Variants in CDC42BPA observed in about 807,000 individuals in gnomAD.
CDC42BPA encodes serine/threonine-protein kinase MRCK alpha.
In CDC42BPA, 80 loss-of-function variants were observed where a neutral mutation model predicts 223.5. That is an observed-to-expected ratio of 0.36 (90% CI 0.30 to 0.43). CDC42BPA has a LOEUF of 0.43. CDC42BPA is among the 20% of genes least tolerant of loss of function. The pLI is 1.00. For missense variants in CDC42BPA, 1,743 were observed against 2,099.9 expected, an observed-to-expected ratio of 0.83 and a Z score of 3.32; for synonymous variants, 694 against 718.6, an observed-to-expected ratio of 0.97 and a Z score of 0.55.
At chr1:227,180,629 T>G (rs1667773239) in intron 5 of CDC42BPA, 1 of 152,150 alleles carries the variant, frequency 6.6e-6, no homozygotes, top group South Asian at 2.1e-4. Context: ...TTGGTAACAT[T>G]TTGGTGCCAG....
At position 227,072,295 on chromosome 1, in the gene CDC42BPA, G is replaced by A; in HGVS notation, c.2740C>T (p.Leu914=). The A allele has an allele frequency of 6.3e-7, 1 of 1,581,018 alleles. No homozygotes were observed. Among genetic ancestry groups the A allele is most frequent in the Non-Finnish European group, 8.7e-7 (1 of 1,152,254 alleles). Residue 914 remains leucine (L), a synonymous_variant, in exon 20 of 37, where the codon CTA becomes TTA. Coordinates refer to ENST00000366766, the MANE Select transcript of CDC42BPA (RefSeq NM_001394014.1). ...KASNIITECK[L]KDSEKKNLEL... ...AAGTTCTTCTTCTCTGAATCTTTTA[G>A]TTTACTTAAATAAGGAGAAAAAAGG... is the stretch of plus-strand genomic sequence containing the variant.
At chr1:227,222,917 C>G (rs928568757) in intron 2 of CDC42BPA, among the ~76,000 whole-genome samples, 1 of 152,162 alleles carries the variant, frequency 6.6e-6, no homozygotes, top group African/African-American at 2.4e-5. Context: ...AGGGCTGGAC[C>G]CTTGGCCCCC....
At chr1:227,278,124 A>C (rs1687428023) in intron 1 of CDC42BPA, among the ~76,000 whole-genome samples, 1 of 152,210 alleles carries the variant, frequency 6.6e-6, no homozygotes, top group Non-Finnish European at 1.5e-5. Context: ...ACTAAGACTG[A>C]CTTTAGAGCC....
rs1559030359 is a variant in CDC42BPA, at chr1:227,317,075, G to C, written c.108C>G (p.Ile36Met). Reference protein sequence around the residue: ...FSVETLLDILICLYDECNNSP... With the variant: ...FSVETLLDILMCLYDECNNSP... Reference sequence around the variant, plus strand: ...AATTATTGCATTCATCATAAAGGCAGATGAGTATATCCAGTAATGTCTCCA... The same window carrying C: ...AATTATTGCATTCATCATAAAGGCACATGAGTATATCCAGTAATGTCTCCA... The change falls in exon 1 of 37, where the codon ATC (isoleucine) becomes ATG (methionine). Residue 36 changes from isoleucine (I) to methionine (M), a missense_variant. Ile to Met is a conservative substitution (Grantham distance 10). This residue lies in a region of CDC42BPA where 321 missense variants were observed against 488.7 expected (regional missense o/e 0.66). Transcript: ENST00000366766. The C allele has an allele frequency of 6.2e-7, 1 of 1,613,814 alleles. No individual in the cohort carries two copies. Among genetic ancestry groups the C allele is most frequent in the Non-Finnish European group, 8.5e-7 (1 of 1,179,726 alleles).
intron 1 of CDC42BPA, among the ~76,000 whole-genome samples, chr1:227,315,336 TATCTC>T (rs1423629743): frequency 5.3e-5 from 8 of 152,008 alleles, no homozygotes; most frequent in African/African-American, 1.9e-4. Flanking sequence ...TACAGCGAAA[TATCTC>T]ATAACATAAA....
In CDC42BPA at chr1:227,034,714, A is replaced by G. The variant is rs1669918496; in HGVS notation, c.3417T>C (p.Asp1139=). The G allele has an allele frequency of 1.2e-6, 2 of 1,613,698 alleles. No individual in the cohort carries two copies. Among genetic ancestry groups the G allele is most frequent in the South Asian group, 1.1e-5 (1 of 91,056 alleles). ...IVCDFKLFLY[D]IAEGKASQPS... ...GCTGAGATGCTTTTCCTTCAGCAAT[A>G]TCGTACAGAAAGAGTTTGAAGTCAC... The change falls in exon 26 of 37, where the codon GAT becomes GAC. Residue 1139 remains aspartate (D), a synonymous_variant. Transcript: ENST00000366766.
At chr1:227,303,687 T>C (rs983039225) in intron 1 of CDC42BPA, among the ~76,000 whole-genome samples, 3 of 152,198 alleles carry the variant, frequency 2.0e-5, no homozygotes, top group African/African-American at 7.2e-5. Flanking sequence ...CTTTCACCAC[T>C]GCTAATTTGG....
At chr1:227,059,721 T>A (rs188353008) in intron 21 of CDC42BPA, among the ~76,000 whole-genome samples, 1 of 152,046 alleles carries the variant, frequency 6.6e-6, no homozygotes, top group African/African-American at 2.4e-5. Context: ...CTGGAACAAA[T>A]GAGAACAAAA....
chr1:227,120,435 C>T (rs1010473471), intron 11 of CDC42BPA, among the ~76,000 whole-genome samples: 1 of 152,134 alleles, frequency 6.6e-6, no homozygotes, highest in African/African-American at 2.4e-5. Context: ...TGAAAAACTC[C>T]TGATCTAAAT....
At chr1:227,017,487 A>G (rs1666515301) in intron 32 of CDC42BPA, among the ~76,000 whole-genome samples, 1 of 152,222 alleles carries the variant, frequency 6.6e-6, no homozygotes, top group South Asian at 2.1e-4. Context: ...GATTTACCAT[A>G]AGTGGTAAAT....
chr1:227,000,834 A>C (rs1336952899), intron 35 of CDC42BPA, among the ~76,000 whole-genome samples: 1 of 151,742 alleles, frequency 6.6e-6, no homozygotes, highest in Non-Finnish European at 1.5e-5. Flanking sequence ...AAAAAAATCA[A>C]GGCAGGGCTG....
chr1:227,043,420 A>AG (rs1287699243), intron 23 of CDC42BPA, among the ~76,000 whole-genome samples: 3 of 151,972 alleles, frequency 2.0e-5, no homozygotes, highest in Non-Finnish European at 4.4e-5. Flanking sequence ...TCAAAAAAAA[A>AG]AAAAAAAAAA....
intron 6 of CDC42BPA, among the ~76,000 whole-genome samples, chr1:227,156,180 T>G (rs991635737): frequency 6.6e-5 from 10 of 151,732 alleles, no homozygotes; most frequent in Admixed American, 6.6e-5. Flanking sequence ...GGAGTCAGGA[T>G]CTTGCTGCCA....
chr1:227,268,938 G>A (rs935583115), intron 1 of CDC42BPA, among the ~76,000 whole-genome samples: 3 of 151,940 alleles, frequency 2.0e-5, no homozygotes, highest in Non-Finnish European at 4.4e-5. Context: ...ATCTACCTTG[G>A]CCTCCCAAAG....
At chr1:227,082,744 A>AAAAAAG (rs1680981782) in intron 16 of CDC42BPA, among the ~76,000 whole-genome samples, 1 of 148,658 alleles carries the variant, frequency 6.7e-6, no homozygotes, top group Admixed American at 6.7e-5. Context: ...AAAAAAAAGA[A>AAAAAAG]TGTAGGTTGT....
chr1:227,268,456 T>C (rs981979294), intron 1 of CDC42BPA, among the ~76,000 whole-genome samples: 1 of 151,608 alleles, frequency 6.6e-6, no homozygotes, highest in South Asian at 2.1e-4. Context: ...CCAGGGTGTA[T>C]ATAAATAAAA....
At chr1:227,229,409 T>C (rs1382325412) in intron 2 of CDC42BPA, among the ~76,000 whole-genome samples, 1 of 152,214 alleles carries the variant, frequency 6.6e-6, no homozygotes, top group Non-Finnish European at 1.5e-5. Context: ...TTGATTACCA[T>C]TGCTTTGTAG....
At chr1:227,162,987 TTTCCAAACATGTGTA>T (rs1558648962) in intron 5 of CDC42BPA, among the ~76,000 whole-genome samples, 16,937 of 109,500 alleles carry the variant, frequency 0.15, 1,850 homozygotes, top group Non-Finnish European at 0.2. Context: ...TCCAAACATG[TTTCCAAACATGTGTA>T]TGTTTCCAAA....
intron 21 of CDC42BPA, among the ~76,000 whole-genome samples, chr1:227,060,030 G>GTTTTTTTTT (rs66527313): frequency 8.5e-6 from 1 of 117,668 alleles, no homozygotes; most frequent in Non-Finnish European, 1.7e-5. Context: ...GTTTTTTTTT[G>GTTTTTTTTT]TTTTTTTTTT....
Sources: gnomAD v4.1 joint callset for allele counts (sites outside exome capture counted in the v4.1 genomes callset) on GRCh38, gnomAD v4.1.1 for gene constraint, gnomAD v4.1.1 regional missense constraint, MANE v1.5 for transcripts, NCBI Gene and HGNC (gene_info 2026-07-23, HGNC 2026-07-21) for gene names.